Variants in ATP6V1B2 observed in about 807,000 individuals in gnomAD.
The protein encoded by ATP6V1B2 is V-type proton ATPase subunit B, brain isoform.
ATP6V1B2 carries 23 observed loss-of-function variants against 66.7 expected under a neutral mutation model. That is an observed-to-expected ratio of 0.34 (90% confidence interval 0.25 to 0.49). The LOEUF is 0.49. Among genes scored for constraint, ATP6V1B2 ranks in the 20% least tolerant of loss-of-function variants. The pLI is 0.99. For missense variants in ATP6V1B2, 478 were observed against 650.8 expected (o/e 0.73, Z 2.89); for synonymous variants, 278 against 236.7 (o/e 1.17, Z -1.60).
chr8:20,200,112 C>A (rs555501984), intron 1 of ATP6V1B2, among the ~76,000 whole-genome samples: 10 of 152,160 alleles, frequency 6.6e-5, no homozygotes, highest in African/African-American at 2.2e-4. Flanking sequence ...AAGCGATCCT[C>A]CCACCTCAGC....
chr8:20,217,343 G>T lies in ATP6V1B2; in HGVS notation c.1266+19G>T. ...CCAGCTAGTATGTACATTCTTCTAA[G>T]AATGGTGTTTGAAAATATGGATACG... is the stretch of plus-strand genomic sequence containing the variant. On this transcript the variant is annotated intron_variant, in intron 12 of 13. Transcript: ENST00000276390. 6.3e-7 allele frequency: 1 copy of T among 1,584,916 alleles called. No individual in the cohort carries two copies. Among genetic ancestry groups the T allele is most frequent in the Non-Finnish European group, 8.7e-7 (1 of 1,153,822 alleles).
chr8:20,205,768 C>T (rs1242481108), intron 2 of ATP6V1B2, among the ~76,000 whole-genome samples: 1 of 152,106 alleles, frequency 6.6e-6, no homozygotes, highest in Non-Finnish European at 1.5e-5. Context: ...GTTAAAGTAT[C>T]TTTGACTCCA....
chr8:20,209,010 A>G (rs1400231144), intron 2 of ATP6V1B2, among the ~76,000 whole-genome samples: 1 of 152,030 alleles, frequency 6.6e-6, no homozygotes, highest in Non-Finnish European at 1.5e-5. Context: ...CGCCTAGCCT[A>G]TTTAGTAACA....
At chr8:20,203,141 T>C (rs1004579617) in intron 1 of ATP6V1B2, among the ~76,000 whole-genome samples, 2 of 152,212 alleles carry the variant, frequency 1.3e-5, no homozygotes, top group African/African-American at 4.8e-5. Flanking sequence ...TGATTAATCC[T>C]TTCACATGAC....
intron 11 of ATP6V1B2, 161 bp downstream of exon 11, chr8:20,216,656 G>A (rs2072857350): frequency 5.2e-6 from 3 of 581,976 alleles, no homozygotes; most frequent in South Asian, 2.8e-5. Flanking sequence ...CTTAAATTCT[G>A]GTGTCGGCAG....
rs1370938425 is a variant in ATP6V1B2 at position 20,211,750 on chromosome 8, G to A, written c.702G>A (p.Met234Ile). 1.8e-5 allele frequency: 29 copies of A among 1,594,762 alleles called. No homozygotes were observed. The highest frequency in any genetic ancestry group is 2.4e-5 in the Non-Finnish European group (28 of 1,174,414). Reference protein sequence around the residue: ...EENFAIVFAAMGVNMETARFF... With the variant: ...EENFAIVFAAIGVNMETARFF... ...ATTTTGCAATTGTATTTGCTGCTAT[G>A]GGTGTAAGTAGAATTTTTGTTTTAG... Residue 234 changes from methionine to isoleucine, a missense_variant, in exon 7 of 14, where the codon ATG becomes ATA. Transcript: ENST00000276390.
intron 10 of ATP6V1B2, 167 bp from the exon 11 acceptor site, chr8:20,216,244 GAC>G (rs2072853275): frequency 3.5e-6 from 2 of 577,944 alleles, no homozygotes; most frequent in Non-Finnish European, 3.1e-6. Context: ...GCACAGCACA[GAC>G]ACAGAACATT....
At chr8:20,210,013 A>G (rs889319035) in intron 3 of ATP6V1B2, among the ~76,000 whole-genome samples, 1 of 150,860 alleles carries the variant, frequency 6.6e-6, no homozygotes, top group Admixed American at 6.6e-5. Context: ...AAATTCTCCT[A>G]CATATTCTTC....
At chr8:20,206,129 A>G (rs1235181317) in intron 2 of ATP6V1B2, among the ~76,000 whole-genome samples, 1 of 152,252 alleles carries the variant, frequency 6.6e-6, no homozygotes, top group African/African-American at 2.4e-5. Flanking sequence ...TTCTATAAAC[A>G]TTCCCATTGA....
intron 9 of ATP6V1B2, 168 bp downstream of exon 9, chr8:20,213,073 G>C (rs2072811818): frequency 1.2e-6 from 1 of 849,466 alleles, no homozygotes; most frequent in South Asian, 1.6e-5. Context: ...TTGTCAACTT[G>C]GTAGAAGTGA....
intron 1 of ATP6V1B2, chr8:20,204,127 G>A (rs560444519): frequency 2.9e-5 from 12 of 407,792 alleles, no homozygotes; most frequent in South Asian, 2.1e-4. Context: ...CACAAACCCT[G>A]TGCAGGCCAT....
chr8:20,209,463 A>T lies in ATP6V1B2; in HGVS notation c.223A>T (p.Thr75Ser). The change falls in exon 3 of 14, where the codon ACC becomes TCC. Residue 75 changes from threonine to serine, a missense_variant. Thr to Ser is a moderately conservative substitution (Grantham distance 58). This residue lies in a region of ATP6V1B2 where 152 missense variants were observed against 105.2 expected (regional missense o/e 1.44). Coordinates refer to ENST00000276390, the MANE Select transcript of ATP6V1B2 (RefSeq NM_001693.4). ...CAGGTATGCTGAAATTGTCCATTTGACCTTACCGGATGGCACAAAGAGAAG... is the reference window on the plus strand; with the variant it reads ...CAGGTATGCTGAAATTGTCCATTTGTCCTTACCGGATGGCACAAAGAGAAG... Reference protein sequence around the residue: ...FPRYAEIVHLTLPDGTKRSGQ... With the variant: ...FPRYAEIVHLSLPDGTKRSGQ... 2 of 1,613,860 alleles carry T rather than the reference A, an allele frequency of 1.2e-6. No individual in the cohort carries two copies. The highest frequency in any genetic ancestry group is 1.7e-6 in the Non-Finnish European group (2 of 1,179,934).
In ATP6V1B2 at chr8:20,218,286, A is replaced by G. The variant is rs2072874425; in HGVS notation, c.1396+4A>G. The G allele has an allele frequency of 1.9e-6, 3 of 1,611,698 alleles. No individual in the cohort carries two copies. Among genetic ancestry groups the G allele is most frequent in the South Asian group, 1.1e-5 (1 of 90,766 alleles). On this transcript the variant is annotated splice_donor_region_variant and intron_variant, in intron 13 of 13. Transcript: ENST00000276390. Reference sequence around the variant, plus strand: ...GAGAGGAACTTCATTGCTCAGGGTAAGATGACTGTTGGCTTACAAACATAA... The same window carrying G: ...GAGAGGAACTTCATTGCTCAGGGTAGGATGACTGTTGGCTTACAAACATAA...
Position 20,217,313 on chromosome 8 carries a change from T to A in ATP6V1B2, c.1255T>A (p.Ser419Thr). ...GMTRKDHADV[S>T]NQLYACYAIG... ...GACCAGGAAGGATCATGCCGATGTATCTAACCAGCTAGTATGTACATTCTT... is the reference window on the plus strand; with the variant it reads ...GACCAGGAAGGATCATGCCGATGTAACTAACCAGCTAGTATGTACATTCTT... The change falls in exon 12 of 14, where the codon TCT (serine) becomes ACT (threonine). Residue 419 changes from serine (S) to threonine (T), a missense_variant. Transcript: ENST00000276390. The A allele has an allele frequency of 1.9e-6, 3 of 1,608,492 alleles. No individual in the cohort carries two copies. Among genetic ancestry groups the A allele is most frequent in the Non-Finnish European group, 2.6e-6 (3 of 1,175,072 alleles).
intron 1 of ATP6V1B2, among the ~76,000 whole-genome samples, chr8:20,198,715 C>G (rs566488826): frequency 6.6e-6 from 1 of 152,288 alleles, no homozygotes; most frequent in Admixed American, 6.5e-5. Flanking sequence ...TGAAGCCTGA[C>G]TAATCCACAT....
intron 8 of ATP6V1B2, among the ~76,000 whole-genome samples, chr8:20,212,573 G>C (rs1351890971): frequency 2.6e-5 from 4 of 152,136 alleles, no homozygotes; most frequent in African/African-American, 9.7e-5. Flanking sequence ...CCAGTGTTGA[G>C]AAACCATACA....
chr8:20,216,574 G>T (rs2072856606), intron 11 of ATP6V1B2, 79 bp downstream of exon 11: 4 of 1,352,566 alleles, frequency 3.0e-6, no homozygotes, highest in Middle Eastern at 1.8e-4. Context: ...TTTGCTCTTA[G>T]GAATTGCTTT....
chr8:20,218,874 G>A (rs1425378812), intron 13 of ATP6V1B2, among the ~76,000 whole-genome samples: 1 of 152,114 alleles, frequency 6.6e-6, no homozygotes, highest in Non-Finnish European at 1.5e-5. Context: ...CTCAGGCTCA[G>A]TGTACTCAGA....
At chr8:20,204,058 A>C (rs756064760) in intron 1 of ATP6V1B2, 1 of 450,682 alleles carries the variant, frequency 2.2e-6, no homozygotes, top group African/African-American at 2.0e-5. Flanking sequence ...TGCGTCCTCT[A>C]TAAAGTTTTT....
Sources: gnomAD v4.1 joint callset for allele counts (sites outside exome capture counted in the v4.1 genomes callset) on GRCh38, gnomAD v4.1.1 for gene constraint, gnomAD v4.1.1 regional missense constraint, MANE v1.5 for transcripts, NCBI Gene and HGNC (gene_info 2026-07-23, HGNC 2026-07-21) for gene names.